CEP152: variants seen among roughly 807,000 people sequenced by gnomAD.
CEP152 encodes the protein centrosomal protein 152.
Under a neutral mutation model 188.9 loss-of-function variants are expected in CEP152, and 132 were observed. The ratio of observed to expected loss-of-function variants is 0.70; its 90% CI spans 0.61 to 0.81. CEP152 has a LOEUF of 0.81. Ranked by LOEUF, CEP152 falls within the 30% of genes least tolerant of loss-of-function variation. The pLI, the probability that CEP152 is intolerant of heterozygous loss-of-function variation, is 0.00. For synonymous variants in CEP152, 649 were observed against 666.6 expected, an observed-to-expected ratio of 0.97 and a Z score of 0.41; for missense variants, 1,914 against 1,969.8, an observed-to-expected ratio of 0.97 and a Z score of 0.54.
intron 12 of CEP152, among the ~76,000 whole-genome samples, chr15:48,775,519 T>C (rs939731648): frequency 7.2e-5 from 11 of 152,050 alleles, no homozygotes; most frequent in African/African-American, 2.7e-4. Context: ...TGTGCTGAAA[T>C]AGAAGAACAA....
At chr15:48,789,150 A>C in intron 8 of CEP152, 149 bp from the exon 9 acceptor site, 1 of 732,576 alleles carries the variant, frequency 1.4e-6, no homozygotes, top group African/African-American at 1.8e-5. Context: ...ATCATGGCTC[A>C]AGCTCCTTAA....
In CEP152 at chr15:48,744,254, A is replaced by G. The variant is rs763733493; in HGVS notation, c.3821T>C (p.Val1274Ala). The G allele has an allele frequency of 2.5e-6, 4 of 1,613,946 alleles. No homozygotes were observed. The African/African-American group carries it at 4.0e-5, about 16-fold the overall frequency. Residue 1274 changes from valine (V) to alanine (A), a missense_variant, in exon 24 of 27, where the codon GTA becomes GCA. Val to Ala is a moderately conservative substitution (Grantham distance 64, BLOSUM62 0). Coordinates refer to ENST00000380950, the MANE Select transcript of CEP152 (RefSeq NM_001194998.2). ...EELRGQYIKA[V>A]KKIKCDMLRY... ...ATTAAACTTACATTTAATTTTTTTT[A>G]CAGCTTTAATGTACTGCCCACGAAG... is the stretch of plus-strand genomic sequence containing the variant.
At chr15:48,753,037 T>C (rs948280761) in intron 20 of CEP152, among the ~76,000 whole-genome samples, 1 of 152,242 alleles carries the variant, frequency 6.6e-6, no homozygotes, top group African/African-American at 2.4e-5. Context: ...TTAGCTAAAT[T>C]AAACATCTTG....
chr15:48,769,381 G>T (rs374969122), intron 13 of CEP152, among the ~76,000 whole-genome samples: 2 of 152,154 alleles, frequency 1.3e-5, no homozygotes, highest in African/African-American at 4.8e-5. Flanking sequence ...TGTTTCATTA[G>T]TCTCCTCCAA....
intron 5 of CEP152, among the ~76,000 whole-genome samples, 163 bp from the exon 6 acceptor site, chr15:48,796,323 C>T (rs368169627): frequency 3.6e-4 from 49 of 135,526 alleles, no homozygotes; most frequent in Middle Eastern, 3.7e-3. Flanking sequence ...CACACACACA[C>T]ATATATATAT....
intron 19 of CEP152, among the ~76,000 whole-genome samples, chr15:48,758,837 G>A (rs1894469023): frequency 2.6e-5 from 4 of 151,856 alleles, no homozygotes; most frequent in Admixed American, 2.6e-4. Context: ...TGATTCTCAG[G>A]CCTGCTGAAG....
At chr15:48,746,662 G>A (rs1367575476) in intron 22 of CEP152, among the ~76,000 whole-genome samples, 1 of 152,144 alleles carries the variant, frequency 6.6e-6, no homozygotes, top group African/African-American at 2.4e-5. Flanking sequence ...TCTTTTAGCA[G>A]TATTTCCCGA....
At chr15:48,758,580 G>A (rs367687921) in intron 19 of CEP152, among the ~76,000 whole-genome samples, 5 of 151,980 alleles carry the variant, frequency 3.3e-5, no homozygotes, top group Non-Finnish European at 7.4e-5. Flanking sequence ...TTAGCCAGGC[G>A]AGGTAGCGGG....
At chr15:48,798,254 C>A (rs1308264212) in intron 2 of CEP152, among the ~76,000 whole-genome samples, 1 of 145,056 alleles carries the variant, frequency 6.9e-6, no homozygotes, top group Non-Finnish European at 1.5e-5. Flanking sequence ...GGATTTATAT[C>A]AGAAGGCTTT....
At chr15:48,782,608 C>G (rs1896327203) in intron 10 of CEP152, among the ~76,000 whole-genome samples, 1 of 152,160 alleles carries the variant, frequency 6.6e-6, no homozygotes, top group Non-Finnish European at 1.5e-5. Context: ...AATAAGAAAA[C>G]TATACCGTGC....
intron 2 of CEP152, among the ~76,000 whole-genome samples, chr15:48,731,892 A>G (rs1012101105): frequency 6.6e-6 from 1 of 152,192 alleles, no homozygotes; most frequent in Admixed American, 6.5e-5. Context: ...AGACACTTCT[A>G]AAAAGGAGAC....
Position 48,755,926 on chromosome 15 carries a change from T to C in CEP152, c.3322A>G (p.Asn1108Asp), listed in dbSNP as rs772349993. ...FQDTLPLLVE[N>D]ADPEWKKRNM... ...ACCTTTTTCCATTCTGGGTCAGCGT[T>C]TTCTACAAGCAGAGGAAGTGTATCT... The change falls in exon 20 of 27, where the codon AAC becomes GAC. Residue 1108 changes from asparagine (N) to aspartate (D), a missense_variant. Physicochemically the swap from Asn to Asp is conservative, Grantham distance 23. Coordinates refer to ENST00000380950, the MANE Select transcript of CEP152 (RefSeq NM_001194998.2). 10 of 1,613,828 alleles carry C rather than the reference T, an allele frequency of 6.2e-6. No individual in the cohort carries two copies. Among genetic ancestry groups the C allele is most frequent in the Non-Finnish European group, 8.5e-6 (10 of 1,179,942 alleles).
chr15:48,744,180 T>A (rs1893230818), intron 24 of CEP152, 60 bp downstream of exon 24: 2 of 1,596,918 alleles, frequency 1.3e-6, no homozygotes, highest in Non-Finnish European at 1.7e-6. Flanking sequence ...CTGAGTTTAC[T>A]TTAACAGTGA....
At chr15:48,749,682 A>C (rs1337989921) in intron 21 of CEP152, among the ~76,000 whole-genome samples, 1 of 152,106 alleles carries the variant, frequency 6.6e-6, no homozygotes, top group Non-Finnish European at 1.5e-5. Flanking sequence ...TTCTGTTAAA[A>C]AAAAATGAAG....
At chr15:48,768,148 C>T in intron 15 of CEP152, 71 bp downstream of exon 15, 1 of 877,994 alleles carries the variant, frequency 1.1e-6, no homozygotes, top group Non-Finnish European at 1.9e-6. Context: ...CTTTTTGTCA[C>T]AGGGAAGGGC....
downstream of CEP152, among the ~76,000 whole-genome samples, chr15:48,736,065 C>A (rs1892585596): frequency 6.6e-6 from 1 of 152,066 alleles, no homozygotes; most frequent in Admixed American, 6.6e-5. Flanking sequence ...TCCTCAAAAA[C>A]CAAAAACTAC....
At chr15:48,752,765 A>C (rs948114844) in intron 20 of CEP152, among the ~76,000 whole-genome samples, 5 of 152,206 alleles carry the variant, frequency 3.3e-5, no homozygotes, top group Non-Finnish European at 5.9e-5. Context: ...GAGATTTTTC[A>C]ATGGTTTACG....
intron 17 of CEP152, 143 bp from the exon 18 acceptor site, chr15:48,762,815 T>C: frequency 1.2e-6 from 1 of 825,726 alleles, no homozygotes; most frequent in Non-Finnish European, 1.9e-6. Flanking sequence ...GGTTTAGAAA[T>C]TTAGTCAATT....
At chr15:48,741,001 A>G in intron 26 of CEP152, 1 of 977,426 alleles carries the variant, frequency 1.0e-6, no homozygotes. Flanking sequence ...TATGTGGAAC[A>G]GTTTTGATAT....
Sources: gnomAD v4.1 joint callset for allele counts (sites outside exome capture counted in the v4.1 genomes callset) on GRCh38, gnomAD v4.1.1 for gene constraint, MANE v1.5 for transcripts, NCBI Gene and HGNC (gene_info 2026-07-23, HGNC 2026-07-21) for gene names.